FRYL: variants seen among roughly 807,000 people sequenced by gnomAD.
FRYL encodes the protein protein furry homolog-like.
FRYL carries 150 observed loss-of-function variants against 351.2 expected under a neutral mutation model. The ratio of observed to expected loss-of-function variants is 0.43; its 90% CI spans 0.37 to 0.49. The LOEUF (loss-of-function observed/expected upper bound fraction) is 0.49. Ranked by LOEUF, FRYL falls within the 20% of genes least tolerant of loss-of-function variation. FRYL has a pLI of 0.00. For missense variants in FRYL, 3,036 were observed against 3,619.3 expected (o/e 0.84, Z 4.13); for synonymous variants, 1,153 against 1,257.1 (o/e 0.92, Z 1.75).
In FRYL at chr4:48,539,988, C is replaced by T. The variant is rs1729804273; in HGVS notation, c.6376G>A (p.Ala2126Thr). 1 of 1,611,840 alleles carries T rather than the reference C, an allele frequency of 6.2e-7. No individual in the cohort carries two copies. ...DSPTQFCKET[A>T]SRIAKVCAEE... ...TTGCTTACCTTTGCTATTCGACTAG[C>T]TGTTTCTTTGCAAAACTGAGTTGGG... Residue 2126 changes from alanine (A) to threonine (T), a missense_variant, in exon 47 of 64, where the codon GCT becomes ACT. By Grantham distance (58) the Ala-to-Thr change is moderately conservative. Transcript: ENST00000358350.
intron 4 of FRYL, among the ~76,000 whole-genome samples, chr4:48,629,864 G>T (rs1253714209): frequency 1.3e-5 from 2 of 152,090 alleles, no homozygotes; most frequent in African/African-American, 4.8e-5. Flanking sequence ...TTGAAAGATT[G>T]TTTTAAAAAG....
At chr4:48,530,333 T>C (rs1307256141) in intron 50 of FRYL, among the ~76,000 whole-genome samples, 1 of 152,000 alleles carries the variant, frequency 6.6e-6, no homozygotes, top group Non-Finnish European at 1.5e-5. Flanking sequence ...CCATCTCTCT[T>C]CCTTCTTCAT....
At chr4:48,712,095 A>C (rs2149592596) in intron 1 of FRYL, among the ~76,000 whole-genome samples, 1 of 152,314 alleles carries the variant, frequency 6.6e-6, no homozygotes, top group East Asian at 1.9e-4. Context: ...GACCAAAAGT[A>C]GATAAAACCA....
At chr4:48,592,115 T>TATATATATACATATA (rs1743518374) in intron 16 of FRYL, among the ~76,000 whole-genome samples, 1 of 131,480 alleles carries the variant, frequency 7.6e-6, no homozygotes, top group Non-Finnish European at 1.6e-5. Flanking sequence ...TATATATATA[T>TATATATATACATATA]TTTATCTAAG....
At chr4:48,554,676 G>A (rs562345985) in intron 35 of FRYL, among the ~76,000 whole-genome samples, 18 of 152,272 alleles carry the variant, frequency 1.2e-4, no homozygotes, top group African/African-American at 3.9e-4. Flanking sequence ...TAACCTTCTA[G>A]GTATGGCTCT....
intron 61 of FRYL, among the ~76,000 whole-genome samples, chr4:48,502,178 T>C (rs560843015): frequency 5.4e-4 from 82 of 152,310 alleles, no homozygotes; most frequent in African/African-American, 1.8e-3. Context: ...TAAGAAAAGC[T>C]GTCTTTTAAA....
At chr4:48,709,069 C>T (rs577709848) in intron 2 of FRYL, among the ~76,000 whole-genome samples, 14 of 152,088 alleles carry the variant, frequency 9.2e-5, no homozygotes, top group African/African-American at 3.4e-4. Flanking sequence ...CTACAGCGCC[C>T]GCCACCACGC....
chr4:48,725,673 A>G (rs1316138337), intron 1 of FRYL, among the ~76,000 whole-genome samples: 1 of 152,130 alleles, frequency 6.6e-6, no homozygotes, highest in Non-Finnish European at 1.5e-5. Context: ...GTCACTTAGG[A>G]GCAGTCTCAG....
chr4:48,697,884 T>A (rs970246580), intron 2 of FRYL, among the ~76,000 whole-genome samples: 4 of 152,192 alleles, frequency 2.6e-5, no homozygotes, highest in African/African-American at 9.6e-5. Flanking sequence ...AGAATGGGAA[T>A]AGCATCTCTG....
At chr4:48,603,135 C>T (rs539394025) in intron 12 of FRYL, among the ~76,000 whole-genome samples, 155 bp downstream of exon 12, 44 of 152,238 alleles carry the variant, frequency 2.9e-4, no homozygotes, top group Admixed American at 1.7e-3. Context: ...AATAGAGCCA[C>T]GCAAAACATA....
Position 48,512,646 on chromosome 4 carries a change from C to T in FRYL, c.7980G>A (p.Thr2660=), listed in dbSNP as rs565874429. ...EEQDGFPEVQ[T]SPLPSPFLSA... ...AAAGAAATGGTGACGGCAGAGGCGA[C>T]GTCTGTACTTCTGGAAAACCATCTT... The change falls in exon 57 of 64, where the codon ACG becomes ACA. Residue 2660 remains threonine (T), a synonymous_variant. Coordinates refer to ENST00000358350, the MANE Select transcript of FRYL (RefSeq NM_015030.2). 9.9e-6 allele frequency: 16 copies of T among 1,613,968 alleles called. No homozygotes were observed. The highest frequency in any genetic ancestry group is 5.5e-5 in the South Asian group (5 of 91,072).
chr4:48,499,758 T>TAAC (rs148375305), intron 63 of FRYL, 78 bp from the exon 64 acceptor site: 2 of 1,280,182 alleles, frequency 1.6e-6, no homozygotes, highest in African/African-American at 3.0e-5. Flanking sequence ...TAAATACCTG[T>TAAC]AACAACAACA....
intron 3 of FRYL, among the ~76,000 whole-genome samples, chr4:48,642,432 TTA>T (rs1755526994): frequency 6.6e-6 from 1 of 152,170 alleles, no homozygotes; most frequent in African/African-American, 2.4e-5. Context: ...CCCAAATACT[TTA>T]TGTTTCTATT....
rs762676163 is a variant in FRYL, at chr4:48,609,029, G to C, written c.530C>G (p.Ala177Gly). ...CCCTATCACCTCTGCATATAAATCA[G>C]CAATAATATGCACATTCCCAGTGTT... ...GTNTGNVHIIADLYAEVIGVL... is the reference protein window; with the variant it reads ...GTNTGNVHIIGDLYAEVIGVL... Residue 177 changes from alanine to glycine, a missense_variant, in exon 9 of 64, where the codon GCT becomes GGT. Physicochemically the swap from Ala to Gly is moderately conservative, Grantham distance 60. This residue lies in a region of FRYL where 457 missense variants were observed against 566.6 expected (regional missense o/e 0.81). Coordinates refer to ENST00000358350, the MANE Select transcript of FRYL (RefSeq NM_015030.2). The C allele has an allele frequency of 1.2e-6, 2 of 1,608,756 alleles. No homozygotes were observed. The highest frequency in any genetic ancestry group is 1.7e-6 in the Non-Finnish European group (2 of 1,175,746).
intron 3 of FRYL, among the ~76,000 whole-genome samples, chr4:48,668,685 G>C (rs1207446905): frequency 1.3e-5 from 2 of 152,202 alleles, no homozygotes; most frequent in Non-Finnish European, 2.9e-5. Flanking sequence ...CTGGTAAAAA[G>C]AAACAATACT....
intron 59 of FRYL, among the ~76,000 whole-genome samples, chr4:48,506,776 C>T (rs1721159911): frequency 6.6e-6 from 1 of 151,300 alleles, no homozygotes; most frequent in Non-Finnish European, 1.5e-5. Flanking sequence ...ATGTTGTACC[C>T]ACAAAGAAAG....
intron 3 of FRYL, among the ~76,000 whole-genome samples, chr4:48,672,765 T>C (rs1762940913): frequency 6.6e-6 from 1 of 152,120 alleles, no homozygotes; most frequent in Non-Finnish European, 1.5e-5. Context: ...AACTCAATTT[T>C]CTCCCAGGAC....
At chr4:48,519,357 T>C (rs1724377711) in intron 55 of FRYL, among the ~76,000 whole-genome samples, 1 of 152,176 alleles carries the variant, frequency 6.6e-6, no homozygotes, top group South Asian at 2.1e-4. Flanking sequence ...TGTGTCCCTC[T>C]GCCTGGAATG....
At chr4:48,778,152 C>T (rs1315704906) in intron 1 of FRYL, among the ~76,000 whole-genome samples, 2 of 152,094 alleles carry the variant, frequency 1.3e-5, no homozygotes, top group Non-Finnish European at 2.9e-5. Flanking sequence ...TCTTTATTTC[C>T]TAAATTCTGT....
Sources: allele counts gnomAD v4.1 joint callset (sites outside exome capture counted in the v4.1 genomes callset), GRCh38; gene constraint gnomAD v4.1.1; regional missense constraint gnomAD v4.1.1; transcripts MANE v1.5; gene names NCBI Gene and HGNC (gene_info 2026-07-23, HGNC 2026-07-21).